PCDHA4: variants seen among roughly 807,000 people sequenced by gnomAD.
PCDHA4 encodes the protein protocadherin alpha-4.
In PCDHA4, 49 loss-of-function variants were observed where a neutral mutation model predicts 61.4. The ratio of observed to expected loss-of-function variants is 0.80; its 90% CI spans 0.63 to 1.01. PCDHA4 has a LOEUF of 1.01. Ranked by LOEUF, PCDHA4 falls within the 50% of genes least tolerant of loss-of-function variation. The pLI is 0.00. For missense variants in PCDHA4, 1,254 were observed against 1,235.8 expected, an observed-to-expected ratio of 1.01 and a Z score of -0.22; for synonymous variants, 590 against 550.3, an observed-to-expected ratio of 1.07 and a Z score of -1.01.
At chr5:140,986,668 A>C (rs927109652) in intron 3 of PCDHA4, among the ~76,000 whole-genome samples, 15 of 152,192 alleles carry the variant, frequency 9.9e-5, no homozygotes, top group African/African-American at 3.6e-4. Context: ...CACAGTTTTC[A>C]GAAGAGTTCA....
rs374214403 is a variant in PCDHA4 at position 140,809,511 on chromosome 5, G to C, written c.2324G>C (p.Ser775Thr). The C allele has an allele frequency of 6.2e-7, 1 of 1,614,228 alleles. No homozygotes were observed. Among genetic ancestry groups the C allele is most frequent in the South Asian group, 1.1e-5 (1 of 91,084 alleles). The part of the protein sequence containing the change: ...PKTDLMAFSP[S>T]LPDSRDREDQ... ...ACCGACCTCATGGCCTTCAGCCCCA[G>C]TTTACCTGACTCTAGGGACAGAGAA... Residue 775 changes from serine (S) to threonine (T), a missense_variant, in exon 1 of 4, where the codon AGT becomes ACT. Ser to Thr is a moderately conservative substitution (Grantham distance 58). Transcript: ENST00000530339.
intron 1 of PCDHA4, among the ~76,000 whole-genome samples, chr5:140,887,239 G>C (rs1248062448): frequency 6.6e-6 from 1 of 151,736 alleles, no homozygotes. Flanking sequence ...TGAGACTACC[G>C]GCGCCCGCCA....
chr5:140,912,318 C>T (rs1554195270), intron 1 of PCDHA4, among the ~76,000 whole-genome samples: 2 of 151,536 alleles, frequency 1.3e-5, no homozygotes, highest in East Asian at 1.9e-4. Context: ...CAAGTTGACC[C>T]TCAGTATTAA....
chr5:140,902,203 CTTTTTTT>C (rs148688132), intron 1 of PCDHA4, among the ~76,000 whole-genome samples: 3 of 124,458 alleles, frequency 2.4e-5, no homozygotes, highest in African/African-American at 3.1e-5. Flanking sequence ...CTCTCTCTTT[CTTTTTTT>C]TTTTTTTTTT....
intron 1 of PCDHA4, among the ~76,000 whole-genome samples, chr5:140,952,977 C>G (rs148504111): frequency 6.6e-6 from 1 of 152,064 alleles, no homozygotes; most frequent in East Asian, 1.9e-4. Flanking sequence ...TTTTAAACAA[C>G]AAGATCTCAT....
chr5:140,822,445 A>G, intron 1 of PCDHA4: 1 of 1,613,728 alleles, frequency 6.2e-7, no homozygotes, highest in Non-Finnish European at 8.5e-7. Flanking sequence ...ACTAACAGGT[A>G]CAGTTCAGTT....
intron 1 of PCDHA4, chr5:140,824,064 A>T: frequency 1.9e-6 from 3 of 1,614,110 alleles, no homozygotes; most frequent in South Asian, 2.2e-5. Context: ...GGGAAGCTCC[A>T]CCCAAAACAG....
At chr5:140,918,742 A>T (rs2078833886) in intron 1 of PCDHA4, among the ~76,000 whole-genome samples, 1 of 152,170 alleles carries the variant, frequency 6.6e-6, no homozygotes, top group Non-Finnish European at 1.5e-5. Context: ...GCCCTTATAA[A>T]AGAGGCCCAG....
At chr5:141,001,975 G>C (rs900969211) in intron 3 of PCDHA4, among the ~76,000 whole-genome samples, 8 of 152,184 alleles carry the variant, frequency 5.3e-5, no homozygotes, top group African/African-American at 1.9e-4. Flanking sequence ...GTCTCTGCGC[G>C]GAAAGCCTGG....
At chr5:140,917,224 G>T (rs142866496) in intron 1 of PCDHA4, among the ~76,000 whole-genome samples, 1 of 150,920 alleles carries the variant, frequency 6.6e-6, no homozygotes, top group African/African-American at 2.4e-5. Flanking sequence ...TTAGTGATAC[G>T]TTGTTAAATC....
At chr5:140,915,535 A>G (rs1482564103) in intron 1 of PCDHA4, among the ~76,000 whole-genome samples, 1 of 152,002 alleles carries the variant, frequency 6.6e-6, no homozygotes, top group African/African-American at 2.4e-5. Context: ...ACCATCTTGG[A>G]GGTCTTGAAT....
At chr5:140,821,568 C>T in intron 1 of PCDHA4, 1 of 542,252 alleles carries the variant, frequency 1.8e-6, no homozygotes, top group Admixed American at 3.6e-5. Context: ...CGCTGGACAC[C>T]GGAAGGTTTT....
chr5:140,836,197 C>T, intron 1 of PCDHA4: 1 of 1,613,818 alleles, frequency 6.2e-7, no homozygotes, highest in Non-Finnish European at 8.5e-7. Flanking sequence ...GGCTACAACG[C>T]GTGGCTTTCG....
At chr5:140,869,546 C>T (rs201504685) in intron 1 of PCDHA4, 3 of 1,614,170 alleles carry the variant, frequency 1.9e-6, no homozygotes, top group Middle Eastern at 1.6e-4. Flanking sequence ...TCTAAGCAAT[C>T]GGACTCGCGT....
At chr5:140,947,642 C>T (rs62384502) in intron 1 of PCDHA4, among the ~76,000 whole-genome samples, 2 of 151,520 alleles carry the variant, frequency 1.3e-5, no homozygotes, top group East Asian at 1.9e-4. Context: ...ATCGTATGAA[C>T]ATATATACCT....
In PCDHA4 at chr5:140,811,967, T is replaced by A. The variant is rs201957063; in HGVS notation, c.2385+2395T>A. 4 of 151,530 alleles carry A rather than the reference T, an allele frequency of 2.6e-5. No homozygotes were observed. In the East Asian group the frequency reaches 7.7e-4, roughly 29 times the overall value. The allele number at this position is 151,530 out of a possible 1,614,324, so 9.4% of individuals were successfully genotyped here. On this transcript the variant is annotated intron_variant, in intron 1 of 3. Transcript: ENST00000530339. ...CTGTAGGTTGCCTGTTCACTCTGATTGTAGTTTCTTTTGAAGATTTATTTT... is the reference window on the plus strand; with the variant it reads ...CTGTAGGTTGCCTGTTCACTCTGATAGTAGTTTCTTTTGAAGATTTATTTT...
chr5:140,995,206 G>A (rs1179914547), intron 3 of PCDHA4, among the ~76,000 whole-genome samples: 2 of 151,988 alleles, frequency 1.3e-5, no homozygotes, highest in African/African-American at 2.4e-5. Context: ...TATAAATTAG[G>A]CACAATACTC....
rs782669350 is a variant in PCDHA4 at position 140,808,615 on chromosome 5, T to G, written c.1428T>G (p.Thr476=). 52 of 1,613,780 alleles carry G rather than the reference T, an allele frequency of 3.2e-5. No homozygotes were observed. Among genetic ancestry groups the G allele is most frequent in the East Asian group, 6.7e-5 (3 of 44,882 alleles). Residue 476 remains threonine (T), a synonymous_variant, in exon 1 of 4, where the codon ACT becomes ACG. Coordinates refer to ENST00000530339, the MANE Select transcript of PCDHA4 (RefSeq NM_018907.4). ...ENNPPGCHIF[T]VSAWDADAQE... The stretch of plus-strand genomic sequence containing the variant: ...ACCCGCCGGGCTGCCACATCTTCAC[T>G]GTGTCTGCGTGGGACGCGGACGCGC...
At chr5:140,823,760 C>T (rs2150128884) in intron 1 of PCDHA4, 2 of 1,613,900 alleles carry the variant, frequency 1.2e-6, no homozygotes, top group East Asian at 2.2e-5. Context: ...ACAGCCACAG[C>T]CACAGTGCTG....
Sources: gnomAD v4.1 joint callset for allele counts (sites outside exome capture counted in the v4.1 genomes callset) on GRCh38, gnomAD v4.1.1 for gene constraint, MANE v1.5 for transcripts, NCBI Gene and HGNC (gene_info 2026-07-23, HGNC 2026-07-21) for gene names.